Variants in SKAP1 observed in about 807,000 individuals in gnomAD.
The protein encoded by SKAP1 is src kinase-associated phosphoprotein 1.
A neutral mutation model predicts 58.5 loss-of-function variants in SKAP1; 44 were observed. The ratio of observed to expected loss-of-function variants is 0.75; its 90% CI spans 0.59 to 0.97. The LOEUF is 0.97. Among genes scored for constraint, SKAP1 ranks in the 50% least tolerant of loss-of-function variants. The probability of loss-of-function intolerance (pLI) is 0.00; values close to 1 mark genes in which losing one functional copy is unlikely to be tolerated. For missense variants in SKAP1, 390 were observed against 435.2 expected (o/e 0.90, Z 0.92); for synonymous variants, 127 against 149.7 (o/e 0.85, Z 1.11).
intron 4 of SKAP1, among the ~76,000 whole-genome samples, chr17:48,259,659 T>C (rs2065464784): frequency 6.6e-6 from 1 of 152,196 alleles, no homozygotes; most frequent in African/African-American, 2.4e-5. Context: ...AATACAATTA[T>C]CATAGAAGAA....
chr17:48,262,515 T>G (rs1341355462), intron 4 of SKAP1, among the ~76,000 whole-genome samples: 1 of 152,220 alleles, frequency 6.6e-6, no homozygotes, highest in Non-Finnish European at 1.5e-5. Context: ...CATTATATTT[T>G]ATTGTAAAGT....
intron 4 of SKAP1, among the ~76,000 whole-genome samples, chr17:48,325,803 A>C (rs1385216893): frequency 6.6e-6 from 1 of 152,216 alleles, no homozygotes; most frequent in African/African-American, 2.4e-5. Context: ...ATCTAGAGAG[A>C]AGCATTCATT....
chr17:48,404,480 G>A (rs1292190551), intron 1 of SKAP1, among the ~76,000 whole-genome samples: 3 of 151,924 alleles, frequency 2.0e-5, no homozygotes, highest in Admixed American at 2.0e-4. Context: ...AATTCGTATG[G>A]CGAGACAATG....
At chr17:48,149,161 A>G (rs564859010) in intron 11 of SKAP1, among the ~76,000 whole-genome samples, 1 of 152,322 alleles carries the variant, frequency 6.6e-6, no homozygotes, top group Non-Finnish European at 1.5e-5. Context: ...CAGGACAAGT[A>G]TACATTTAGT....
In SKAP1 at chr17:48,218,789, G is replaced by A. The variant is rs190618750; in HGVS notation, c.281-29289C>T. 5.2e-3 allele frequency among the ~76,000 whole-genome samples: 793 copies of A among 152,200 alleles called. 4 individuals are homozygous for A. The highest frequency in any genetic ancestry group is 9.0e-3 in the Non-Finnish European group (611 of 67,992). On this transcript the variant is annotated intron_variant, in intron 4 of 12. Coordinates refer to ENST00000336915, the MANE Select transcript of SKAP1 (RefSeq NM_003726.4). ...GGCCTCTAATATCTGAACTGAGAAAGAAAATCATTATCCTGTTACTTCTAT... is the reference window on the plus strand; with the variant it reads ...GGCCTCTAATATCTGAACTGAGAAAAAAAATCATTATCCTGTTACTTCTAT...
At chr17:48,368,475 C>T (rs1346248097) in intron 2 of SKAP1, among the ~76,000 whole-genome samples, 1 of 152,134 alleles carries the variant, frequency 6.6e-6, no homozygotes, top group African/African-American at 2.4e-5. Flanking sequence ...CATATAAATG[C>T]ACACATACAG....
At chr17:48,166,261 A>C (rs989179223) in intron 10 of SKAP1, among the ~76,000 whole-genome samples, 1 of 152,238 alleles carries the variant, frequency 6.6e-6, no homozygotes, top group Non-Finnish European at 1.5e-5. Flanking sequence ...AAAATGTCAT[A>C]AGAAGAATAG....
chr17:48,440,371 G>C, the SKAP1 span, among the ~76,000 whole-genome samples: 1 of 152,176 alleles, frequency 6.6e-6, no homozygotes, highest in Non-Finnish European at 1.5e-5. Flanking sequence ...GTCTGAGCAG[G>C]CTGCAGGATG....
At chr17:48,202,910 C>T (rs904806711) in intron 4 of SKAP1, among the ~76,000 whole-genome samples, 1 of 152,220 alleles carries the variant, frequency 6.6e-6, no homozygotes, top group African/African-American at 2.4e-5. Flanking sequence ...ATCTGTTTGT[C>T]TGTCTGTCTT....
rs148358983 is a variant in SKAP1, at chr17:48,285,983, GAT to G, written c.280+59920_280+59921del. ...AGAATTACTGTGAGAATTAAAATGA[GAT>G]ATTATATGGAAAACAGCCAGTACAG... On this transcript the variant is annotated intron_variant, in intron 4 of 12. Transcript: ENST00000336915. Among the ~76,000 whole-genome samples the G allele has an allele frequency of 4.7e-3, 710 of 152,276 alleles. 4 individuals are homozygous for G. Among genetic ancestry groups the G allele is most frequent in the African/African-American group, 0.016 (663 of 41,548 alleles).
At chr17:48,336,658 C>T (rs549093157) in intron 4 of SKAP1, among the ~76,000 whole-genome samples, 3 of 151,368 alleles carry the variant, frequency 2.0e-5, no homozygotes, top group African/African-American at 7.3e-5. Flanking sequence ...GAAAGATGTC[C>T]GGCAAAGGGA....
chr17:48,332,168 T>G (rs2066514991), intron 4 of SKAP1, among the ~76,000 whole-genome samples: 1 of 152,102 alleles, frequency 6.6e-6, no homozygotes, highest in African/African-American at 2.4e-5. Context: ...CCTTTCAGCA[T>G]AGTTTATTAT....
At chr17:48,314,766 C>T (rs557029094) in intron 4 of SKAP1, among the ~76,000 whole-genome samples, 10 of 152,152 alleles carry the variant, frequency 6.6e-5, no homozygotes, top group Non-Finnish European at 1.2e-4. Flanking sequence ...AAAAAAAATC[C>T]GAGGAATACT....
chr17:48,351,431 C>CT (rs557527478), intron 3 of SKAP1, among the ~76,000 whole-genome samples: 24 of 149,458 alleles, frequency 1.6e-4, no homozygotes, highest in South Asian at 6.4e-4. Context: ...GCCTATCTCT[C>CT]TTTTTTTTTT....
At chr17:48,362,036 A>G (rs1163492572) in intron 3 of SKAP1, among the ~76,000 whole-genome samples, 1 of 152,176 alleles carries the variant, frequency 6.6e-6, no homozygotes, top group Non-Finnish European at 1.5e-5. Context: ...GAGTTTTTCT[A>G]TGTCATCTTT....
At chr17:48,373,620 G>A (rs1169095844) in intron 2 of SKAP1, among the ~76,000 whole-genome samples, 1 of 152,194 alleles carries the variant, frequency 6.6e-6, no homozygotes, top group African/African-American at 2.4e-5. Context: ...TTAGACAGAG[G>A]TCTTTAACCT....
chr17:48,407,221 T>C (rs2067597528), intron 1 of SKAP1, among the ~76,000 whole-genome samples: 1 of 152,176 alleles, frequency 6.6e-6, no homozygotes, highest in Non-Finnish European at 1.5e-5. Flanking sequence ...TAGACTTAAA[T>C]ATTTTCGATG....
intron 4 of SKAP1, among the ~76,000 whole-genome samples, chr17:48,198,016 G>A (rs2064663927): frequency 1.3e-5 from 2 of 152,142 alleles, no homozygotes; most frequent in Admixed American, 1.3e-4. Flanking sequence ...TAAATAAATG[G>A]TAATAATCAA....
chr17:48,311,675 T>A (rs2066226546), intron 4 of SKAP1, among the ~76,000 whole-genome samples: 1 of 152,098 alleles, frequency 6.6e-6, no homozygotes, highest in African/African-American at 2.4e-5. Flanking sequence ...CTTTAATTCC[T>A]CCCTCCCAAA....
Sources: gnomAD v4.1 joint callset for allele counts (sites outside exome capture counted in the v4.1 genomes callset) on GRCh38, gnomAD v4.1.1 for gene constraint, MANE v1.5 for transcripts, NCBI Gene and HGNC (gene_info 2026-07-23, HGNC 2026-07-21) for gene names.